The following ENDOU variants were observed in gnomAD, a reference collection of about 807,000 sequenced individuals.
The protein encoded by ENDOU is uridylate-specific endoribonuclease.
ENDOU carries 49 observed loss-of-function variants against 54.2 expected under a neutral mutation model. The observed-to-expected ratio is 0.90, with a 90% CI of 0.72 to 1.15. The LOEUF (loss-of-function observed/expected upper bound fraction) is 1.15. ENDOU is among the 50% of genes most tolerant of loss of function. The pLI, the probability that ENDOU is intolerant of heterozygous loss-of-function variation, is 0.00. For synonymous variants in ENDOU, 172 were observed against 190.5 expected (o/e 0.90, Z 0.80); for missense variants, 458 against 511.4 (o/e 0.90, Z 1.01).
chr12:47,715,447 A>G (rs1940192609), intron 6 of ENDOU, among the ~76,000 whole-genome samples: 1 of 152,234 alleles, frequency 6.6e-6, no homozygotes, highest in Admixed American at 6.5e-5. Context: ...CTAGACCTCC[A>G]AGATTCTCTT....
At position 47,725,410 on chromosome 12, in the gene ENDOU, T is replaced by G; in HGVS notation, c.4A>C (p.Arg2=). Residue 2 remains arginine (R), a synonymous_variant, in exon 1 of 10, where the codon AGG becomes CGG. Transcript: ENST00000422538. ...GCCAATACCAGGGAGATGCAGGCCC[T>G]CATGGTGCCCAGTTGGAGGCCAAAA... M[R]ACISLVLAVL... is the part of the protein sequence containing the mutation. The G allele has an allele frequency of 3.7e-6, 6 of 1,614,128 alleles. No individual in the cohort carries two copies. The highest frequency in any genetic ancestry group is 5.1e-6 in the Non-Finnish European group (6 of 1,180,006).
Position 47,717,797 on chromosome 12 carries a change from G to T in ENDOU, c.245-142C>A, listed in dbSNP as rs1940308152. ...GAAGGAAAACAAACAAACCTAATTCGTGCACACCCTTCACAGTCAGGAAGT... is the reference window on the plus strand; with the variant it reads ...GAAGGAAAACAAACAAACCTAATTCTTGCACACCCTTCACAGTCAGGAAGT... On this transcript the variant is annotated intron_variant, in intron 3 of 9. Coordinates refer to ENST00000422538, the MANE Select transcript of ENDOU (RefSeq NM_001172439.2). 2.8e-5 allele frequency: 23 copies of T among 820,598 alleles called. No individual in the cohort carries two copies. In the South Asian group the frequency reaches 3.9e-4, roughly 14 times the overall value. 50.8% of individuals were successfully genotyped at this position (820,598 alleles called of 1,614,324 possible). A position where few individuals can be genotyped will look rare whatever the true frequency, so the allele number is the denominator to read the frequency against.
intron 7 of ENDOU, 34 bp from the exon 8 acceptor site, chr12:47,712,656 C>T: frequency 2.7e-6 from 4 of 1,505,664 alleles, no homozygotes; most frequent in Middle Eastern, 3.4e-4. Flanking sequence ...ATAATCTGGG[C>T]TCCTTCCCCA....
At chr12:47,712,960 C>T (rs1940083618) in intron 7 of ENDOU, among the ~76,000 whole-genome samples, 1 of 152,136 alleles carries the variant, frequency 6.6e-6, no homozygotes, top group Admixed American at 6.5e-5. Context: ...GCTGGCCAGG[C>T]CCTGGAAGCA....
chr12:47,723,219 C>T (rs1395005263), intron 1 of ENDOU, among the ~76,000 whole-genome samples: 2 of 152,200 alleles, frequency 1.3e-5, no homozygotes, highest in Non-Finnish European at 2.9e-5. Flanking sequence ...ACTTTGTCTC[C>T]AGCAAGAGCC....
intron 1 of ENDOU, among the ~76,000 whole-genome samples, chr12:47,721,511 C>T (rs746895444): frequency 2.0e-5 from 3 of 152,120 alleles, no homozygotes; most frequent in Non-Finnish European, 4.4e-5. Flanking sequence ...TCTTGTCTCC[C>T]CTTCTGGTCT....
At chr12:47,713,179 C>T in intron 7 of ENDOU, 96 bp downstream of exon 7, 1 of 841,078 alleles carries the variant, frequency 1.2e-6, no homozygotes, top group African/African-American at 1.7e-5. Context: ...GCTGGCTGGA[C>T]TGCTGATTAA....
In ENDOU at chr12:47,716,957, C is replaced by T. The variant is rs202194272; in HGVS notation, c.484G>A (p.Val162Ile). The T allele has an allele frequency of 2.5e-5, 40 of 1,614,120 alleles. No individual in the cohort carries two copies. The highest frequency in any genetic ancestry group is 1.7e-4 in the Middle Eastern group (1 of 6,056). The part of the protein sequence containing the change: ...DTNKAQKEDI[V>I]LNSQNCISPS... The stretch of plus-strand genomic sequence containing the variant: ...GAGATGCAGTTTTGGCTATTGAGAA[C>T]GATGTCTTCCTTCTGGGCTTTGTTG... Residue 162 changes from valine to isoleucine, a missense_variant, in exon 5 of 10, where the codon GTT (valine) becomes ATT (isoleucine). Coordinates refer to ENST00000422538, the MANE Select transcript of ENDOU (RefSeq NM_001172439.2).
At chr12:47,722,954 T>C (rs1940480449) in intron 1 of ENDOU, among the ~76,000 whole-genome samples, 1 of 152,116 alleles carries the variant, frequency 6.6e-6, no homozygotes, top group African/African-American at 2.4e-5. Context: ...GCAAAGACCT[T>C]AAGGAGAAAT....
chr12:47,712,276 A>AC (rs1209260709), intron 8 of ENDOU, among the ~76,000 whole-genome samples: 1 of 151,996 alleles, frequency 6.6e-6, no homozygotes, highest in Non-Finnish European at 1.5e-5. Flanking sequence ...CCAGGCTCCC[A>AC]CCCCGATATG....
intron 2 of ENDOU, 49 bp from the exon 3 acceptor site, chr12:47,718,243 T>C (rs771700364): frequency 1.3e-6 from 2 of 1,495,822 alleles, no homozygotes; most frequent in South Asian, 1.2e-5. Flanking sequence ...AGAATTCCCC[T>C]GCTGCTTGGT....
At chr12:47,725,157 C>A (rs1166122727) in intron 1 of ENDOU, among the ~76,000 whole-genome samples, 1 of 152,222 alleles carries the variant, frequency 6.6e-6, no homozygotes, top group South Asian at 2.1e-4. Context: ...CCCTGCAACT[C>A]TCTCCACATA....
chr12:47,710,784 T>C lies in ENDOU; in HGVS notation c.*18A>G, dbSNP rs773102731. 1.3e-6 allele frequency: 2 copies of C among 1,577,100 alleles called. No homozygotes were observed. Among genetic ancestry groups the C allele is most frequent in the South Asian group, 2.2e-5 (2 of 90,282 alleles). ...GTCTCGCAAGAGCCCTCATGCCCCT[T>C]TCTGGCTCGAAGTTCTATTAGGTGG... On this transcript the variant is annotated 3_prime_UTR_variant, in exon 10 of 10. Coordinates refer to ENST00000422538, the MANE Select transcript of ENDOU (RefSeq NM_001172439.2).
At chr12:47,711,163 A>G (rs1939986471) in intron 9 of ENDOU, among the ~76,000 whole-genome samples, 1 of 152,226 alleles carries the variant, frequency 6.6e-6, no homozygotes, top group Admixed American at 6.5e-5. Context: ...TCCCAGAGCA[A>G]TATTCCAAAA....
Position 47,716,949 on chromosome 12 carries a change from A to G in ENDOU, c.492T>C (p.Asn164=), listed in dbSNP as rs1592507626. ...NKAQKEDIVL[N]SQNCISPSET... The stretch of plus-strand genomic sequence containing the variant: ...CTGACGGGGAGATGCAGTTTTGGCT[A>G]TTGAGAACGATGTCTTCCTTCTGGG... The change falls in exon 5 of 10, where the codon AAT becomes AAC. Residue 164 remains asparagine (N), a synonymous_variant. Transcript: ENST00000422538. The G allele has an allele frequency of 1.2e-6, 2 of 1,614,144 alleles. No individual in the cohort carries two copies. Among genetic ancestry groups the G allele is most frequent in the Non-Finnish European group, 8.5e-7 (1 of 1,179,996 alleles).
intron 1 of ENDOU, among the ~76,000 whole-genome samples, chr12:47,723,659 A>G (rs1196278439): frequency 6.6e-6 from 1 of 152,110 alleles, no homozygotes; most frequent in Non-Finnish European, 1.5e-5. Context: ...CTGGCCATCA[A>G]GGAAGCTTGG....
In ENDOU at chr12:47,712,766, G is replaced by C. The variant is rs549888081; in HGVS notation, c.866-144C>G. 5.6e-5 allele frequency: 36 copies of C among 639,790 alleles called. No homozygotes were observed. The Admixed American group carries it at 7.0e-4, about 12-fold the overall frequency. 39.6% of individuals were successfully genotyped at this position (639,790 alleles called of 1,614,324 possible). On this transcript the variant is annotated intron_variant, in intron 7 of 9. Transcript: ENST00000422538. ...TGACCCCTTGCTGTGAGTCCCCAGA[G>C]TCTCTCACAGTCCTATCTCTCACCT...
chr12:47,718,032 C>G, intron 3 of ENDOU, 97 bp downstream of exon 3: 1 of 1,084,292 alleles, frequency 9.2e-7, no homozygotes, highest in Non-Finnish European at 1.4e-6. Context: ...CTGGCTGAGG[C>G]CTGGGCCTGG....
At chr12:47,724,893 C>T (rs1362319673) in intron 1 of ENDOU, among the ~76,000 whole-genome samples, 1 of 152,158 alleles carries the variant, frequency 6.6e-6, no homozygotes, top group East Asian at 1.9e-4. Context: ...CCTCCTAAGC[C>T]TGCCCACCTC....
Sources: gnomAD v4.1 joint callset for allele counts (sites outside exome capture counted in the v4.1 genomes callset) on GRCh38, gnomAD v4.1.1 for gene constraint, MANE v1.5 for transcripts, NCBI Gene and HGNC (gene_info 2026-07-23, HGNC 2026-07-21) for gene names.